OR2B3: variants seen among roughly 807,000 people sequenced by gnomAD.
OR2B3 encodes putative olfactory receptor 2B3.
For synonymous variants in OR2B3, 123 were observed against 133.8 expected, an observed-to-expected ratio of 0.92 and a Z score of 0.56; for missense variants, 341 against 374.8, an observed-to-expected ratio of 0.91 and a Z score of 0.74.
Position 29,087,127 on chromosome 6 carries a change from C to A in OR2B3, c.122G>T (p.Gly41Val), listed in dbSNP as rs1429492425. Residue 41 changes from glycine to valine, a missense_variant, in exon 1 of 1, where the codon GGC becomes GTC. Transcript: ENST00000377173. ...GCACACCATCATGATGGACACATTG[C>A]CAAATATGGTGATTGTGTATGATAT... The part of the protein sequence containing the change: ...LLISYTITIF[G>V]NVSIMMVCIL... 6.2e-7 allele frequency: 1 copy of A among 1,613,844 alleles called. No individual in the cohort carries two copies. Among genetic ancestry groups the A allele is most frequent in the East Asian group, 2.2e-5 (1 of 44,884 alleles).
At position 29,086,531 on chromosome 6, in the gene OR2B3, T is replaced by C; in HGVS notation, c.718A>G (p.Thr240Ala). The change falls in exon 1 of 1, where the codon ACA becomes GCA. Residue 240 changes from threonine to alanine, a missense_variant. Thr to Ala is a moderately conservative substitution (Grantham distance 58). Coordinates refer to ENST00000377173, the MANE Select transcript of OR2B3 (RefSeq NM_001005226.2). ...ACCACAATCATGTGGGACCCACATG[T>C]CCCAAATGCTTTTTGCCGTCCTTCT... ...SAEGRQKAFG[T>A]CGSHMIVVSL... 6.2e-7 allele frequency: 1 copy of C among 1,614,006 alleles called. No homozygotes were observed. The highest frequency in any genetic ancestry group is 8.5e-7 in the Non-Finnish European group (1 of 1,179,930).
At position 29,086,214 on chromosome 6, in the gene OR2B3, GA is replaced by G. The variant is rs1449788576; in HGVS notation, c.*92del. ...TTGACAGAATTTAGTGAAATCACCA[GA>G]GCCTGGAAAATAGGAAAATGAGTTC... On this transcript the variant is annotated 3_prime_UTR_variant, in exon 1 of 1. Coordinates refer to ENST00000377173, the MANE Select transcript of OR2B3 (RefSeq NM_001005226.2). 8.7e-6 allele frequency: 7 copies of G among 808,030 alleles called. No individual in the cohort carries two copies. Among genetic ancestry groups the G allele is most frequent in the Non-Finnish European group, 1.9e-6 (1 of 518,158 alleles). The allele number at this position is 808,030 out of a possible 1,614,324, so 50.1% of individuals were successfully genotyped here.
rs1247393212 is a variant in OR2B3, at chr6:29,086,970, G to A, written c.279C>T (p.Ser93=). 1.9e-6 allele frequency: 3 copies of A among 1,614,238 alleles called. No homozygotes were observed. In the Admixed American group the frequency reaches 5.0e-5, roughly 27 times the overall value. Residue 93 remains serine, a synonymous_variant, in exon 1 of 1, where the codon AGC becomes AGT. Coordinates refer to ENST00000377173, the MANE Select transcript of OR2B3 (RefSeq NM_001005226.2). ...VNIGCNKKTI[S]YAGCVAHLII... ...TGAGGTGGGCCACACAGCCAGCATA[G>A]CTGATGGTCTTTTTGTTGCAACCAA...
At position 29,086,425 on chromosome 6, in the gene OR2B3, G is replaced by T. The variant is rs780499486; in HGVS notation, c.824C>A (p.Ser275Tyr). 1.2e-6 allele frequency: 2 copies of T among 1,614,002 alleles called. No individual in the cohort carries two copies. The highest frequency in any genetic ancestry group is 2.2e-5 in the South Asian group (2 of 91,072). Reference sequence around the variant, plus strand: ...GGATGTGATGATTCCATAGAAGAGGGAAACCATCTTTCCCCAGTCCTTAGA... The same window carrying T: ...GGATGTGATGATTCCATAGAAGAGGTAAACCATCTTTCCCCAGTCCTTAGA... ...STSKDWGKMV[S>Y]LFYGIITSML... is the part of the protein sequence containing the mutation. The change falls in exon 1 of 1, where the codon TCC (serine) becomes TAC (tyrosine). Residue 275 changes from serine (S) to tyrosine (Y), a missense_variant. Ser to Tyr is a moderately radical substitution (Grantham distance 144). Transcript: ENST00000377173.
In OR2B3 at chr6:29,086,798, T is replaced by C; in HGVS notation, c.451A>G (p.Ile151Val). 2 of 1,614,086 alleles carry C rather than the reference T, an allele frequency of 1.2e-6. No homozygotes were observed. Among genetic ancestry groups the C allele is most frequent in the Non-Finnish European group, 1.7e-6 (2 of 1,179,992 alleles). ...TGCAGCACTGAGTTGCCGAAACCAA[T>C]GAGCCATGAGAAGGCTGCCATCCTT... The part of the protein sequence containing the change: ...CLRMAAFSWL[I>V]GFGNSVLQSS... Residue 151 changes from isoleucine to valine, a missense_variant, in exon 1 of 1, where the codon ATT becomes GTT. By Grantham distance (29) the Ile-to-Val change is conservative. Transcript: ENST00000377173.
In OR2B3 at chr6:29,086,724, G is replaced by A; in HGVS notation, c.525C>T (p.Asp175=). 1 of 1,614,148 alleles carries A rather than the reference G, an allele frequency of 6.2e-7. No homozygotes were observed. Among genetic ancestry groups the A allele is most frequent in the Non-Finnish European group, 8.5e-7 (1 of 1,180,028 alleles). The change falls in exon 1 of 1, where the codon GAC becomes GAT. Residue 175 remains aspartate, a synonymous_variant. Transcript: ENST00000377173. The part of the protein sequence containing the change: ...NMPRCGHQEV[D]HFFCEVPALL... ...GTGCAGGCACCTCACAGAAAAAGTG[G>A]TCCACTTCCTGGTGACCACAGCGTG...
Position 29,086,518 on chromosome 6 carries a change from T to C in OR2B3, c.731A>G (p.His244Arg), listed in dbSNP as rs1251561383. 1.2e-6 allele frequency: 2 copies of C among 1,614,156 alleles called. No homozygotes were observed. Among genetic ancestry groups the C allele is most frequent in the East Asian group, 2.2e-5 (1 of 44,852 alleles). The change falls in exon 1 of 1, where the codon CAC becomes CGC. Residue 244 changes from histidine to arginine, a missense_variant. His to Arg is a conservative substitution (Grantham distance 29). Coordinates refer to ENST00000377173, the MANE Select transcript of OR2B3 (RefSeq NM_001005226.2). ...RQKAFGTCGSHMIVVSLFYGT... is the reference protein window; with the variant it reads ...RQKAFGTCGSRMIVVSLFYGT... ...ATAAAAGAGGGACACCACAATCATG[T>C]GGGACCCACATGTCCCAAATGCTTT... is the stretch of plus-strand genomic sequence containing the variant.
Position 29,087,053 on chromosome 6 carries a change from GA to G in OR2B3, c.195del (p.Leu66SerfsTer4). ...GTATAGCAGAGATCTAAGATGGAGA[GA>G]TTAGTGAGAAAGAAATACATGGGAG... ...LHTPMYFFLT[N>X]LSILDLCYTT... On this transcript the variant is annotated frameshift_variant, in exon 1 of 1. Coordinates refer to ENST00000377173, the MANE Select transcript of OR2B3 (RefSeq NM_001005226.2). LOFTEE classifies it low-confidence loss of function (END_TRUNC). 6.2e-7 allele frequency: 1 copy of G among 1,614,198 alleles called. No individual in the cohort carries two copies. Among genetic ancestry groups the G allele is most frequent in the Non-Finnish European group, 8.5e-7 (1 of 1,180,016 alleles).
At position 29,087,275 on chromosome 6, in the gene OR2B3, A is replaced by C. The variant is rs1273785507; in HGVS notation, c.-27T>G. Reference sequence around the variant, plus strand: ...ATGACTCACTTATTTCGCACTCCTAAAAAAATGTAAGATAGGAAAGCAATC... The same window carrying C: ...ATGACTCACTTATTTCGCACTCCTACAAAAATGTAAGATAGGAAAGCAATC... On this transcript the variant is annotated 5_prime_UTR_variant, in exon 1 of 1. Transcript: ENST00000377173. 6.8e-7 allele frequency: 1 copy of C among 1,462,408 alleles called. No individual in the cohort carries two copies. The highest frequency in any genetic ancestry group is 1.3e-5 in the South Asian group (1 of 79,700). The allele number at this position is 1,462,408 out of a possible 1,614,324, so 90.6% of individuals were successfully genotyped here. A position where few individuals can be genotyped will look rare whatever the true frequency, so the allele number is the denominator to read the frequency against.
rs139373333 is a variant in OR2B3, at chr6:29,087,151, A to G, written c.98T>C (p.Ile33Thr). The G allele has an allele frequency of 1.2e-5, 19 of 1,614,068 alleles. No individual in the cohort carries two copies. The African/African-American group carries it at 2.1e-4, about 18-fold the overall frequency. ...GCCAAATATGGTGATTGTGTATGAT[A>G]TTAACAGGACCACAAAAAGGGGCAT... ...LQMPLFVVLL[I>T]SYTITIFGNV... Residue 33 changes from isoleucine to threonine, a missense_variant, in exon 1 of 1, where the codon ATA (isoleucine) becomes ACA (threonine). By Grantham distance (89) the Ile-to-Thr change is moderately conservative. Transcript: ENST00000377173.
At position 29,087,273 on chromosome 6, in the gene OR2B3, TA is replaced by T. The variant is rs781312959; in HGVS notation, c.-26del. 16 of 1,457,348 alleles carry T rather than the reference TA, an allele frequency of 1.1e-5. No homozygotes were observed. In the African/African-American group the frequency reaches 1.6e-4, roughly 14 times the overall value. 90.3% of individuals were successfully genotyped at this position (1,457,348 alleles called of 1,614,324 possible). A position where few individuals can be genotyped will look rare whatever the true frequency, so the allele number is the denominator to read the frequency against. ...TGATGACTCACTTATTTCGCACTCC[TA>T]AAAAAATGTAAGATAGGAAAGCAAT... On this transcript the variant is annotated 5_prime_UTR_variant, in exon 1 of 1. Coordinates refer to ENST00000377173, the MANE Select transcript of OR2B3 (RefSeq NM_001005226.2).
Position 29,086,748 on chromosome 6 carries a change from T to C in OR2B3, c.501A>G (p.Pro167=), listed in dbSNP as rs1760623805. ...VLQSSLTLNM[P]RCGHQEVDHF... ...GGTCCACTTCCTGGTGACCACAGCGTGGCATGTTAAGAGTCAAGGAAGACT... is the reference window on the plus strand; with the variant it reads ...GGTCCACTTCCTGGTGACCACAGCGCGGCATGTTAAGAGTCAAGGAAGACT... The change falls in exon 1 of 1, where the codon CCA becomes CCG. Residue 167 remains proline (P), a synonymous_variant. Coordinates refer to ENST00000377173, the MANE Select transcript of OR2B3 (RefSeq NM_001005226.2). 1.2e-6 allele frequency: 2 copies of C among 1,614,022 alleles called. No individual in the cohort carries two copies. The highest frequency in any genetic ancestry group is 2.7e-5 in the African/African-American group (2 of 74,916).
chr6:29,086,220 G>A lies in OR2B3; in HGVS notation c.*87C>T. 1.2e-6 allele frequency: 1 copy of A among 842,586 alleles called. No homozygotes were observed. The highest frequency in any genetic ancestry group is 2.6e-5 in the East Asian group (1 of 38,550). 52.2% of individuals were successfully genotyped at this position (842,586 alleles called of 1,614,324 possible). ...GAATTTAGTGAAATCACCAGAGCCTGGAAAATAGGAAAATGAGTTCAAAGG... is the reference window on the plus strand; with the variant it reads ...GAATTTAGTGAAATCACCAGAGCCTAGAAAATAGGAAAATGAGTTCAAAGG... On this transcript the variant is annotated 3_prime_UTR_variant, in exon 1 of 1. Transcript: ENST00000377173.
Position 29,086,775 on chromosome 6 carries a change from C to T in OR2B3, c.474G>A (p.Leu158=). ...GCATGTTAAGAGTCAAGGAAGACTG[C>T]AGCACTGAGTTGCCGAAACCAATGA... The part of the protein sequence containing the change: ...SWLIGFGNSV[L]QSSLTLNMPR... The change falls in exon 1 of 1, where the codon CTG becomes CTA. Residue 158 remains leucine, a synonymous_variant. Coordinates refer to ENST00000377173, the MANE Select transcript of OR2B3 (RefSeq NM_001005226.2). 1 of 1,614,150 alleles carries T rather than the reference C, an allele frequency of 6.2e-7. No individual in the cohort carries two copies. Among genetic ancestry groups the T allele is most frequent in the East Asian group, 2.2e-5 (1 of 44,884 alleles).
Position 29,086,503 on chromosome 6 carries a change from G to T in OR2B3, c.746C>A (p.Ser249Tyr). 6.2e-7 allele frequency: 1 copy of T among 1,614,062 alleles called. No homozygotes were observed. The highest frequency in any genetic ancestry group is 1.1e-5 in the South Asian group (1 of 91,068). Residue 249 changes from serine to tyrosine, a missense_variant, in exon 1 of 1, where the codon TCC (serine) becomes TAC (tyrosine). Coordinates refer to ENST00000377173, the MANE Select transcript of OR2B3 (RefSeq NM_001005226.2). ...GTCGSHMIVV[S>Y]LFYGTAIYMY... Reference sequence around the variant, plus strand: ...ATAAATGGCTGTTCCATAAAAGAGGGACACCACAATCATGTGGGACCCACA... The same window carrying T: ...ATAAATGGCTGTTCCATAAAAGAGGTACACCACAATCATGTGGGACCCACA...
At position 29,086,959 on chromosome 6, in the gene OR2B3, C is replaced by T; in HGVS notation, c.290G>A (p.Cys97Tyr). ...CNKKTISYAG[C>Y]VAHLIIFLAL... ...CAGGAAGATGATGAGGTGGGCCACACAGCCAGCATAGCTGATGGTCTTTTT... is the reference window on the plus strand; with the variant it reads ...CAGGAAGATGATGAGGTGGGCCACATAGCCAGCATAGCTGATGGTCTTTTT... Residue 97 changes from cysteine to tyrosine, a missense_variant, in exon 1 of 1, where the codon TGT (cysteine) becomes TAT (tyrosine). By Grantham distance (194) the Cys-to-Tyr change is radical (BLOSUM62 -2). Transcript: ENST00000377173. 6.2e-7 allele frequency: 1 copy of T among 1,614,232 alleles called. No homozygotes were observed. The highest frequency in any genetic ancestry group is 1.1e-5 in the South Asian group (1 of 91,090).
rs1160745592 is a variant in OR2B3, at chr6:29,087,209, G to GTA, written c.38_39dup (p.Leu14TyrfsTer20). 1.2e-6 allele frequency: 2 copies of GTA among 1,613,126 alleles called. No individual in the cohort carries two copies. The highest frequency in any genetic ancestry group is 2.7e-5 in the African/African-American group (2 of 74,874). The stretch of plus-strand genomic sequence containing the variant: ...CAAGCCCTATCTGAGAAGCCAAGTA[G>GTA]TATAAACTCTTTTGGGGAGCTCTCA... On this transcript the variant is annotated frameshift_variant, in exon 1 of 1. Coordinates refer to ENST00000377173, the MANE Select transcript of OR2B3 (RefSeq NM_001005226.2). LOFTEE classifies it low-confidence loss of function (END_TRUNC).
Position 29,086,563 on chromosome 6 carries a change from C to T in OR2B3, c.686G>A (p.Arg229Lys). The change falls in exon 1 of 1, where the codon AGG becomes AAG. Residue 229 changes from arginine to lysine, a missense_variant. Transcript: ENST00000377173. ...GFIAQAVLKI[R>K]SAEGRQKAFG... ...TGCTTTTTGCCGTCCTTCTGCTGAC[C>T]TGATTTTTAATACTGCTTGAGCTAT... 3.1e-6 allele frequency: 5 copies of T among 1,614,048 alleles called. No individual in the cohort carries two copies. The highest frequency in any genetic ancestry group is 4.2e-6 in the Non-Finnish European group (5 of 1,179,974).
In OR2B3 at chr6:29,087,139, A is replaced by G. The variant is rs1257078720; in HGVS notation, c.110T>C (p.Ile37Thr). ...LFVVLLISYT[I>T]TIFGNVSIMM... is the part of the protein sequence containing the mutation. ...GATGGACACATTGCCAAATATGGTG[A>G]TTGTGTATGATATTAACAGGACCAC... The change falls in exon 1 of 1, where the codon ATC becomes ACC. Residue 37 changes from isoleucine to threonine, a missense_variant. Transcript: ENST00000377173. 7 of 1,613,990 alleles carry G rather than the reference A, an allele frequency of 4.3e-6. No individual in the cohort carries two copies. In the African/African-American group the frequency reaches 9.3e-5, roughly 22 times the overall value.
Sources: gnomAD v4.1 joint callset for allele counts on GRCh38, gnomAD v4.1.1 for gene constraint, MANE v1.5 for transcripts, NCBI Gene and HGNC (gene_info 2026-07-23, HGNC 2026-07-21) for gene names.